Variants in DNASE1 observed in about 807,000 individuals in gnomAD.
DNASE1 encodes deoxyribonuclease 1, also known as deoxyribonuclease-1.
DNASE1 carries 40 observed loss-of-function variants against 33.9 expected under a neutral mutation model. The ratio of observed to expected loss-of-function variants is 1.18; its 90% CI spans 0.92 to 1.54. The LOEUF is 1.54. Ranked by LOEUF, DNASE1 falls within the 40% of genes most tolerant of loss-of-function variation. The probability of loss-of-function intolerance (pLI) is 0.00; values close to 1 mark genes in which losing one functional copy is unlikely to be tolerated. For missense variants in DNASE1, 518 were observed against 372.6 expected (o/e 1.39, Z -3.21); for synonymous variants, 216 against 160.0 (o/e 1.35, Z -2.64).
intron 1 of DNASE1, among the ~76,000 whole-genome samples, chr16:3,614,005 C>A (rs187897790): frequency 6.7e-6 from 1 of 148,236 alleles, no homozygotes; most frequent in Non-Finnish European, 1.5e-5. Context: ...CTCTGCTTCC[C>A]GGGTTCACGC....
At position 3,619,569 on chromosome 16, in the gene DNASE1, G is replaced by A. The variant is rs1343529122; in HGVS notation, c.-1359+7563G>A. ...GTAGAGACAGGGTTTCACCGTGTTA[G>A]CCAGGATGGTCTCTATCTGCGGACC... On this transcript the variant is annotated intron_variant and NMD_transcript_variant, in intron 1 of 11. Coordinates refer to the DNASE1 transcript ENST00000570769. Among the ~76,000 whole-genome samples, 3 of 148,084 alleles carry A rather than the reference G, an allele frequency of 2.0e-5. No individual in the cohort carries two copies. The East Asian group carries it at 6.2e-4, about 30-fold the overall frequency.
intron 1 of DNASE1, among the ~76,000 whole-genome samples, chr16:3,625,679 A>G (rs1261906471): frequency 6.6e-6 from 1 of 152,152 alleles, no homozygotes; most frequent in Non-Finnish European, 1.5e-5. Context: ...TAAAAAAGGC[A>G]TAGGAGGGAA....
At chr16:3,634,479 C>T (rs1234505775) in intron 1 of DNASE1, among the ~76,000 whole-genome samples, 4 of 151,940 alleles carry the variant, frequency 2.6e-5, no homozygotes, top group Non-Finnish European at 5.9e-5. Context: ...CTGCCCACCT[C>T]GGCCTCCCAA....
chr16:3,636,278 ATTCT>A (rs1450701984), intron 1 of DNASE1, among the ~76,000 whole-genome samples: 3 of 151,164 alleles, frequency 2.0e-5, no homozygotes, highest in African/African-American at 7.3e-5. Flanking sequence ...TTTCCTTTTG[ATTCT>A]TTGAGTCTTT....
chr16:3,641,860 C>T (rs1393198355), upstream of DNASE1, among the ~76,000 whole-genome samples: 1 of 152,162 alleles, frequency 6.6e-6, no homozygotes, highest in Non-Finnish European at 1.5e-5. Flanking sequence ...GAGCAGGGGC[C>T]GGGGACCAGT....
intron 1 of DNASE1, among the ~76,000 whole-genome samples, chr16:3,647,480 C>G (rs887824791): frequency 6.6e-6 from 1 of 152,024 alleles, no homozygotes; most frequent in Non-Finnish European, 1.5e-5. Flanking sequence ...TGCCATGTTA[C>G]CTAGACTGGT....
intron 1 of DNASE1, among the ~76,000 whole-genome samples, chr16:3,643,552 G>A (rs2042082347): frequency 6.6e-6 from 1 of 152,154 alleles, no homozygotes; most frequent in African/African-American, 2.4e-5. Flanking sequence ...GGAGCGGAGT[G>A]GGTGAGCTGT....
intron 2 of DNASE1, 98 bp downstream of exon 2, chr16:3,655,618 G>A: frequency 1.3e-6 from 2 of 1,574,018 alleles, no homozygotes; most frequent in East Asian, 4.5e-5. Flanking sequence ...TGTCGGGTGT[G>A]GGGTACTGAG....
chr16:3,664,628 T>TC, exon 10 of DNASE1: 3 of 685,576 alleles, frequency 4.4e-6, no homozygotes, highest in Non-Finnish European at 7.0e-6. Context: ...GGCCTTGCTC[T>TC]GCCCATCAGG....
At chr16:3,663,108 A>G (rs2043176660) in exon 10 of DNASE1, 1 of 723,602 alleles carries the variant, frequency 1.4e-6, no homozygotes, top group Non-Finnish European at 2.2e-6. Flanking sequence ...TTTTCATCTA[A>G]AAGTAAAACC....
At chr16:3,618,899 C>T (rs2041203110) in intron 1 of DNASE1, among the ~76,000 whole-genome samples, 1 of 152,096 alleles carries the variant, frequency 6.6e-6, no homozygotes, top group South Asian at 2.1e-4. Context: ...TTCTGTTGCC[C>T]AGGCTCGAGT....
intron 1 of DNASE1, among the ~76,000 whole-genome samples, chr16:3,614,238 G>A (rs1181803737): frequency 1.3e-5 from 2 of 151,884 alleles, no homozygotes; most frequent in African/African-American, 4.8e-5. Context: ...TAGTAGAGAC[G>A]GGGTTTCACC....
At chr16:3,621,612 C>A (rs2041315983) in intron 1 of DNASE1, among the ~76,000 whole-genome samples, 1 of 152,124 alleles carries the variant, frequency 6.6e-6, no homozygotes. Flanking sequence ...TTGTTCTGAA[C>A]CTCGTTTTTG....
chr16:3,620,207 C>T (rs565983743), intron 1 of DNASE1, among the ~76,000 whole-genome samples: 317 of 152,264 alleles, frequency 2.1e-3, no homozygotes, highest in Non-Finnish European at 3.5e-3. Flanking sequence ...TGAGCCACCT[C>T]GCCAGGCCTG....
chr16:3,654,187 C>T (rs946757621), upstream of DNASE1: 1 of 396,302 alleles, frequency 2.5e-6, no homozygotes, highest in Non-Finnish European at 4.4e-6. Flanking sequence ...GCTGCCCTGC[C>T]CTTGTGACCT....
intron 1 of DNASE1, among the ~76,000 whole-genome samples, chr16:3,612,951 T>C (rs1214287799): frequency 1.3e-5 from 2 of 151,934 alleles, no homozygotes; most frequent in African/African-American, 4.8e-5. Flanking sequence ...AGGAGAGGTG[T>C]AAAGGAATCA....
chr16:3,639,127 T>C (rs2041959052), upstream of DNASE1, among the ~76,000 whole-genome samples: 1 of 152,252 alleles, frequency 6.6e-6, no homozygotes, highest in Non-Finnish European at 1.5e-5. Flanking sequence ...ATGTCTGTTA[T>C]AGCAGTTATC....
downstream of DNASE1, chr16:3,659,453 G>C (rs1389754788): frequency 1.3e-5 from 2 of 152,184 alleles, no homozygotes; most frequent in Non-Finnish European, 2.9e-5. Context: ...CATCATCTCA[G>C]AAGGGGAAAG....
chr16:3,645,315 C>A (rs1051768385), intron 1 of DNASE1, among the ~76,000 whole-genome samples: 1 of 152,080 alleles, frequency 6.6e-6, no homozygotes, highest in East Asian at 1.9e-4. Flanking sequence ...TGGGAGAGAC[C>A]GAGGTGGCTT....
Sources: allele counts gnomAD v4.1 joint callset (sites outside exome capture counted in the v4.1 genomes callset), GRCh38; gene constraint gnomAD v4.1.1; transcripts MANE v1.5; gene names NCBI Gene and HGNC (gene_info 2026-07-23, HGNC 2026-07-21).